Variants in CEP162 observed in about 807,000 individuals in gnomAD.
CEP162 encodes the protein centrosomal protein 162.
CEP162 carries 141 observed loss-of-function variants against 169.2 expected under a neutral mutation model. That is an observed-to-expected ratio of 0.83 (90% CI 0.73 to 0.96). The LOEUF is 0.96. Among genes scored for constraint, CEP162 ranks in the 40% least tolerant of loss-of-function variants. The probability of loss-of-function intolerance (pLI) is 0.00; values close to 1 mark genes in which losing one functional copy is unlikely to be tolerated. For synonymous variants in CEP162, 540 were observed against 526.4 expected (o/e 1.03, Z -0.35); for missense variants, 1,600 against 1,587.2 (o/e 1.01, Z -0.14).
At chr6:84,140,457 T>G (rs1217556150) in intron 25 of CEP162, among the ~76,000 whole-genome samples, 1 of 152,130 alleles carries the variant, frequency 6.6e-6, no homozygotes, top group African/African-American at 2.4e-5. Context: ...TCGAGGGAGA[T>G]TTGATCTTTT....
At chr6:84,202,284 T>C (rs116120977) in intron 7 of CEP162, among the ~76,000 whole-genome samples, 3,133 of 152,238 alleles carry the variant, frequency 0.021, 111 homozygotes, top group African/African-American at 0.072. Flanking sequence ...AGAGGTTCCC[T>C]TAGAATAACT....
At chr6:84,191,665 C>G (rs2099539986) in intron 11 of CEP162, among the ~76,000 whole-genome samples, 1 of 152,178 alleles carries the variant, frequency 6.6e-6, no homozygotes. Flanking sequence ...TGCACTTCAC[C>G]TGGAAATCCT....
At chr6:84,154,223 T>G (rs1394269902) in intron 22 of CEP162, among the ~76,000 whole-genome samples, 3 of 152,088 alleles carry the variant, frequency 2.0e-5, no homozygotes, top group Non-Finnish European at 4.4e-5. Flanking sequence ...GGGTTGGAGT[T>G]TACACCTGAC....
At chr6:84,212,652 C>T (rs778275310) in intron 6 of CEP162, among the ~76,000 whole-genome samples, 4 of 151,782 alleles carry the variant, frequency 2.6e-5, no homozygotes, top group Non-Finnish European at 5.9e-5. Flanking sequence ...ATGGCAAAAC[C>T]GTAAACAACT....
rs774972392 is a variant in CEP162, at chr6:84,204,054, G to A, written c.614C>T (p.Pro205Leu). 48 of 1,608,290 alleles carry A rather than the reference G, an allele frequency of 3.0e-5. No individual in the cohort carries two copies. Among genetic ancestry groups the A allele is most frequent in the Admixed American group, 8.4e-5 (5 of 59,382 alleles). Residue 205 changes from proline (P) to leucine (L), a missense_variant, in exon 7 of 27, where the codon CCG (proline) becomes CTG (leucine). Physicochemically the swap from Pro to Leu is moderately conservative, Grantham distance 98. Coordinates refer to ENST00000403245, the MANE Select transcript of CEP162 (RefSeq NM_014895.4). ...CATCTCTTCATCTTTAGTAGTCAAC[G>A]GTGCACCAACATACTCATCTTCAAA... is the stretch of plus-strand genomic sequence containing the variant. ...DDFEDEYVGA[P>L]LTTKDEEMPS...
At chr6:84,154,059 G>A (rs1279049228) in intron 22 of CEP162, among the ~76,000 whole-genome samples, 2 of 152,114 alleles carry the variant, frequency 1.3e-5, no homozygotes, top group Non-Finnish European at 2.9e-5. Context: ...AAGAGCATAT[G>A]CAAAGCTGGC....
rs6935707 is a variant in CEP162, at chr6:84,223,282, C to T, written c.58-2111G>A. ...TTGGGAAGCCGAGGTGGGCGGATCA[C>T]GAGGTCAGGAGTTTGAGACCAGCCT... On this transcript the variant is annotated intron_variant, in intron 2 of 26. Transcript: ENST00000403245. 9.7e-3 allele frequency among the ~76,000 whole-genome samples: 1,468 copies of T among 151,478 alleles called. 27 individuals carry two copies. The highest frequency in any genetic ancestry group is 0.034 in the African/African-American group (1,389 of 41,328).
intron 17 of CEP162, 36 bp downstream of exon 17, chr6:84,171,570 A>T: frequency 1.3e-6 from 1 of 755,272 alleles, no homozygotes; most frequent in Non-Finnish European, 2.1e-6. Flanking sequence ...AAATAGTCTA[A>T]GTATATTTGA....
In CEP162 at chr6:84,185,365, A is replaced by T. The variant is rs779649703; in HGVS notation, c.1485T>A (p.Pro495=). The T allele has an allele frequency of 3.7e-6, 6 of 1,613,520 alleles. No homozygotes were observed. The Admixed American group carries it at 8.3e-5, about 22-fold the overall frequency. Residue 495 remains proline (P), a synonymous_variant, in exon 13 of 27, where the codon CCT becomes CCA. Transcript: ENST00000403245. Reference sequence around the variant, plus strand: ...TCTGGGGTTTCCTTTTAAGTAAAGGAGGTGCACTTCTGGCCTTCTTGTATG... The same window carrying T: ...TCTGGGGTTTCCTTTTAAGTAAAGGTGGTGCACTTCTGGCCTTCTTGTATG... ...QVPYKKARSA[P]PLLKRKPQSG...
Position 84,227,436 on chromosome 6 carries a change from G to C in CEP162, c.-60+144C>G, listed in dbSNP as rs138955098. On this transcript the variant is annotated intron_variant, in intron 1 of 26. Transcript: ENST00000403245. ...CAGAAGCGCGGGTTCGGGAATTGGA[G>C]GGAAGACAAAGACGCATTTGCCGTG... The C allele has an allele frequency of 2.0e-5, 3 of 152,394 alleles. No homozygotes were observed. In the East Asian group the frequency reaches 5.8e-4, roughly 29 times the overall value. The allele number at this position is 152,394 out of a possible 1,614,324, so 9.4% of individuals were successfully genotyped here. A position where few individuals can be genotyped will look rare whatever the true frequency, so the allele number is the denominator to read the frequency against.
intron 3 of CEP162, among the ~76,000 whole-genome samples, chr6:84,217,094 G>A (rs1355256587): frequency 6.6e-6 from 1 of 152,082 alleles, no homozygotes; most frequent in Non-Finnish European, 1.5e-5. Flanking sequence ...AATCTAACAG[G>A]AGGAGACAAT....
At chr6:84,160,495 A>G (rs1007590587) in intron 21 of CEP162, among the ~76,000 whole-genome samples, 4 of 152,168 alleles carry the variant, frequency 2.6e-5, no homozygotes, top group Admixed American at 6.5e-5. Flanking sequence ...GTCTACGGTC[A>G]GGAAGAGAAA....
chr6:84,193,540 G>GT, intron 11 of CEP162, 69 bp downstream of exon 11: 2 of 875,470 alleles, frequency 2.3e-6, no homozygotes, highest in Non-Finnish European at 3.6e-6. Flanking sequence ...TCATTCACTA[G>GT]GAATGATTAC....
intron 13 of CEP162, among the ~76,000 whole-genome samples, chr6:84,180,366 T>C (rs994358527): frequency 2.0e-5 from 3 of 152,180 alleles, no homozygotes; most frequent in African/African-American, 4.8e-5. Context: ...GAGCTATTTA[T>C]GACAAACACA....
At position 84,194,837 on chromosome 6, in the gene CEP162, T is replaced by G. The variant is rs538164065; in HGVS notation, c.1027+47A>C. On this transcript the variant is annotated intron_variant, in intron 10 of 26. Transcript: ENST00000403245. ...TTAATTATATTACACTAAAAACTCT[T>G]TAGAAAGGATATCAAATAATTGAAA... 5.0e-4 allele frequency: 665 copies of G among 1,319,918 alleles called. 8 individuals carry two copies. The South Asian group carries it at 7.8e-3, about 15-fold the overall frequency. The allele number at this position is 1,319,918 out of a possible 1,614,324, so 81.8% of individuals were successfully genotyped here.
Position 84,174,031 on chromosome 6 carries a change from T to C in CEP162, c.2166+17A>G, listed in dbSNP as rs1236937273. The C allele has an allele frequency of 1.9e-6, 3 of 1,603,256 alleles. No individual in the cohort carries two copies. The highest frequency in any genetic ancestry group is 2.7e-5 in the African/African-American group (2 of 74,372). On this transcript the variant is annotated intron_variant, in intron 16 of 26. Transcript: ENST00000403245. The stretch of plus-strand genomic sequence containing the variant: ...AGATCAAGAGTAAATTTGCCATATG[T>C]TGAAGAATTGCCATACCTGTTGATA...
chr6:84,155,385 T>C lies in CEP162; in HGVS notation c.2907A>G (p.Ile969Met). 6.2e-7 allele frequency: 1 copy of C among 1,613,756 alleles called. No individual in the cohort carries two copies. The change falls in exon 22 of 27, where the codon ATA becomes ATG. Residue 969 changes from isoleucine (I) to methionine (M), a missense_variant. Transcript: ENST00000403245. ...CCTCCAGATCAGCTTCTAGCTTTTT[T>C]ATCCTTTTCTCCATAAATTCCACTG... ...KNTVEFMEKR[I>M]KKLEADLEGK...
chr6:84,190,578 G>A (rs1298246652), intron 11 of CEP162, among the ~76,000 whole-genome samples: 3 of 151,622 alleles, frequency 2.0e-5, no homozygotes, highest in South Asian at 2.1e-4. Flanking sequence ...GGGAGGGAAC[G>A]AACAACTCCA....
chr6:84,225,912 C>CTT (rs2099555542), intron 2 of CEP162, among the ~76,000 whole-genome samples: 1 of 152,014 alleles, frequency 6.6e-6, no homozygotes, highest in Non-Finnish European at 1.5e-5. Context: ...GTGAAATGAG[C>CTT]TTGCAATGTC....
Sources: allele counts gnomAD v4.1 joint callset (sites outside exome capture counted in the v4.1 genomes callset), GRCh38; gene constraint gnomAD v4.1.1; transcripts MANE v1.5; gene names NCBI Gene and HGNC (gene_info 2026-07-23, HGNC 2026-07-21).